Variants in ERICH6B observed in about 807,000 individuals in gnomAD.
ERICH6B encodes glutamate-rich protein 6B.
In ERICH6B, 69 loss-of-function variants were observed where a neutral mutation model predicts 80.0. That is an observed-to-expected ratio of 0.86 (90% CI 0.71 to 1.05). ERICH6B has a LOEUF of 1.05. ERICH6B is among the 50% of genes least tolerant of loss of function. The pLI is 0.00. For missense variants in ERICH6B, 754 were observed against 796.1 expected (o/e 0.95, Z 0.64); for synonymous variants, 283 against 291.9 (o/e 0.97, Z 0.31).
At chr13:45,606,189 G>A (rs1312233528) in intron 2 of ERICH6B, among the ~76,000 whole-genome samples, 1 of 152,084 alleles carries the variant, frequency 6.6e-6, no homozygotes, top group Non-Finnish European at 1.5e-5. Context: ...AAAGACATCC[G>A]CAGTTACAAG....
At chr13:45,600,266 A>G (rs995194589) in intron 2 of ERICH6B, among the ~76,000 whole-genome samples, 2 of 152,186 alleles carry the variant, frequency 1.3e-5, no homozygotes, top group Non-Finnish European at 2.9e-5. Context: ...GAGTGGTGAC[A>G]AGAATTCTTT....
In ERICH6B at chr13:45,581,667, G is replaced by A. The variant is rs149529030; in HGVS notation, c.857-1002C>T. Among the ~76,000 whole-genome samples the A allele has an allele frequency of 5.2e-3, 791 of 152,320 alleles. 6 individuals are homozygous for A. Among genetic ancestry groups the A allele is most frequent in the African/African-American group, 0.017 (691 of 41,558 alleles). On this transcript the variant is annotated intron_variant, in intron 5 of 14. Transcript: ENST00000298738. ...GCTGGGATTACAGGCATGAGCCACT[G>A]CGCCTGGCCCATTCCATTCTTAATA...
In ERICH6B at chr13:45,582,561, A is replaced by G. The variant is rs1355923230; in HGVS notation, c.857-1896T>C. Among the ~76,000 whole-genome samples the G allele has an allele frequency of 2.0e-5, 3 of 152,324 alleles. No individual in the cohort carries two copies. The East Asian group carries it at 5.8e-4, about 29-fold the overall frequency. On this transcript the variant is annotated intron_variant, in intron 5 of 14. Transcript: ENST00000298738. Reference sequence around the variant, plus strand: ...GACTATGTTATCCTCAGCATTCAACAGCTTCAGGGCATCTACAAATATAAA... The same window carrying G: ...GACTATGTTATCCTCAGCATTCAACGGCTTCAGGGCATCTACAAATATAAA...
chr13:45,564,987 G>T (rs552057629), intron 9 of ERICH6B, among the ~76,000 whole-genome samples: 3 of 152,202 alleles, frequency 2.0e-5, no homozygotes. Context: ...TGTATCCCTA[G>T]AGCCTAAATT....
chr13:45,599,089 C>T (rs900957300), intron 2 of ERICH6B, among the ~76,000 whole-genome samples: 2 of 152,224 alleles, frequency 1.3e-5, no homozygotes, highest in Non-Finnish European at 1.5e-5. Context: ...TGCATCTCAG[C>T]AGTTTGCATT....
intron 7 of ERICH6B, among the ~76,000 whole-genome samples, chr13:45,579,550 C>T (rs1457190492): frequency 1.3e-5 from 2 of 152,126 alleles, no homozygotes; most frequent in Non-Finnish European, 2.9e-5. Context: ...TTTGTAGGGG[C>T]TCCACTTTAT....
intron 5 of ERICH6B, among the ~76,000 whole-genome samples, chr13:45,586,531 T>C (rs1875910363): frequency 6.6e-6 from 1 of 152,188 alleles, no homozygotes; most frequent in Admixed American, 6.5e-5. Flanking sequence ...CTCTCCTGTG[T>C]GTCTTAGCTG....
intron 7 of ERICH6B, among the ~76,000 whole-genome samples, chr13:45,577,724 C>T (rs1875480650): frequency 6.6e-6 from 1 of 152,126 alleles, no homozygotes; most frequent in Admixed American, 6.5e-5. Flanking sequence ...TCCTGAGTAG[C>T]TGGGATTACA....
At chr13:45,570,624 T>C (rs376685121) in intron 8 of ERICH6B, among the ~76,000 whole-genome samples, 77 of 152,360 alleles carry the variant, frequency 5.1e-4, no homozygotes, top group African/African-American at 1.8e-3. Flanking sequence ...AAACAAGTCT[T>C]GCAGCCGCAG....
At chr13:45,594,659 T>C (rs943891697) in intron 3 of ERICH6B, among the ~76,000 whole-genome samples, 50 of 152,174 alleles carry the variant, frequency 3.3e-4, no homozygotes, top group Non-Finnish European at 4.4e-5. Flanking sequence ...TCTGATTTGA[T>C]GGAGAGGGAC....
At chr13:45,606,501 A>ATGTGTG (rs71994482) in intron 2 of ERICH6B, among the ~76,000 whole-genome samples, 2 of 47,314 alleles carry the variant, frequency 4.2e-5, no homozygotes, top group Non-Finnish European at 6.8e-5. Flanking sequence ...CCAAAAGTGT[A>ATGTGTG]TGTGTATATA....
intron 14 of ERICH6B, among the ~76,000 whole-genome samples, chr13:45,543,454 C>T (rs932992331): frequency 6.6e-6 from 1 of 152,134 alleles, no homozygotes; most frequent in Non-Finnish European, 1.5e-5. Flanking sequence ...TTAGGGTAGG[C>T]CCTAGATCCA....
intron 8 of ERICH6B, 48 bp downstream of exon 8, chr13:45,574,794 C>T: frequency 7.0e-7 from 1 of 1,435,768 alleles, no homozygotes; most frequent in Non-Finnish European, 9.6e-7. Context: ...GGCCACCCTA[C>T]ATTTGGAGGA....
chr13:45,561,773 T>A (rs1272404399), intron 10 of ERICH6B, among the ~76,000 whole-genome samples: 1 of 152,112 alleles, frequency 6.6e-6, no homozygotes, highest in African/African-American at 2.4e-5. Flanking sequence ...ATCAAGTGCC[T>A]AGTGCGTGTC....
Position 45,596,841 on chromosome 13 carries a change from A to T in ERICH6B, c.165T>A (p.Ser55=). The T allele has an allele frequency of 6.4e-7, 1 of 1,551,786 alleles. No individual in the cohort carries two copies. Among genetic ancestry groups the T allele is most frequent in the Non-Finnish European group, 8.7e-7 (1 of 1,147,012 alleles). ...DESPFSPEGE[S]LEDKEYLEEE... ...CCTCCAGATACTCTTTGTCCTCCAG[A>T]GACTCTCCCTCTGGAGAAAATGGAG... Residue 55 remains serine (S), a synonymous_variant, in exon 3 of 15, where the codon TCT becomes TCA. Transcript: ENST00000298738.
chr13:45,596,132 G>C (rs1384313049), intron 3 of ERICH6B, among the ~76,000 whole-genome samples: 1 of 152,144 alleles, frequency 6.6e-6, no homozygotes, highest in Non-Finnish European at 1.5e-5. Context: ...GCAGAACTTG[G>C]TCAGTAAATG....
At chr13:45,559,324 A>T (rs1352777627) in intron 11 of ERICH6B, among the ~76,000 whole-genome samples, 1 of 152,020 alleles carries the variant, frequency 6.6e-6, no homozygotes, top group Non-Finnish European at 1.5e-5. Context: ...CTGAGGGTCT[A>T]TCAATTTTAT....
intron 11 of ERICH6B, among the ~76,000 whole-genome samples, chr13:45,559,635 A>G (rs909337625): frequency 6.6e-6 from 1 of 152,056 alleles, no homozygotes. Flanking sequence ...AATTTCCATC[A>G]TGATTTCATT....
chr13:45,574,951 G>C (rs370164131), intron 7 of ERICH6B, 21 bp from the exon 8 acceptor site: 1 of 1,508,824 alleles, frequency 6.6e-7, no homozygotes, highest in Non-Finnish European at 9.0e-7. Context: ...TGGAAGGAGC[G>C]TCGAAAGGAA....
Sources: allele counts gnomAD v4.1 joint callset (sites outside exome capture counted in the v4.1 genomes callset), GRCh38; gene constraint gnomAD v4.1.1; transcripts MANE v1.5; gene names NCBI Gene and HGNC (gene_info 2026-07-23, HGNC 2026-07-21).